The following ZNF638 variants were observed in gnomAD, a reference collection of about 807,000 sequenced individuals.
ZNF638 encodes the protein CTCL tumor antigen se33-1.
In ZNF638, 46 loss-of-function variants were observed where a neutral mutation model predicts 195.6. The observed-to-expected ratio is 0.24, with a 90% confidence interval of 0.19 to 0.30. ZNF638 has a LOEUF of 0.30. Ranked by LOEUF, ZNF638 falls within the 10% of genes least tolerant of loss-of-function variation. The probability of loss-of-function intolerance (pLI) is 1.00; values close to 1 mark genes in which losing one functional copy is unlikely to be tolerated. For synonymous variants in ZNF638, 845 were observed against 772.0 expected (o/e 1.09, Z -1.57); for missense variants, 2,440 against 2,325.3 (o/e 1.05, Z -1.01).
chr2:71,344,978 A>G (rs2078826393), intron 1 of ZNF638, among the ~76,000 whole-genome samples: 1 of 152,212 alleles, frequency 6.6e-6, no homozygotes, highest in Non-Finnish European at 1.5e-5. Flanking sequence ...ATATGAGTAT[A>G]CAGTAGTCTC....
intron 10 of ZNF638, 87 bp from the exon 11 acceptor site, chr2:71,396,054 T>G (rs574170491): frequency 1.1e-5 from 14 of 1,262,584 alleles, no homozygotes; most frequent in Non-Finnish European, 1.6e-5. Flanking sequence ...CAGGGTTCTT[T>G]CGAAATTATT....
chr2:71,386,596 C>T lies in ZNF638; in HGVS notation c.2377+6031C>T, dbSNP rs573965176. Among the ~76,000 whole-genome samples, 4 of 152,116 alleles carry T rather than the reference C, an allele frequency of 2.6e-5. 1 individual carries two copies. The highest frequency in any genetic ancestry group is 3.9e-4 in the East Asian group (2 of 5,188). ...ACCGTTATTTGCAAATATGATAGTA[C>T]GAAGGAAAACCTAAGAGAATCAATT... is the stretch of plus-strand genomic sequence containing the variant. On this transcript the variant is annotated intron_variant, in intron 10 of 27. Transcript: ENST00000264447.
intron 1 of ZNF638, among the ~76,000 whole-genome samples, chr2:71,335,810 A>G (rs547668596): frequency 6.6e-6 from 1 of 152,354 alleles, no homozygotes; most frequent in Admixed American, 6.5e-5. Context: ...AATGTCAGAT[A>G]TTCAGACAGA....
chr2:71,362,541 T>A (rs1393342723), intron 3 of ZNF638, among the ~76,000 whole-genome samples: 1 of 152,228 alleles, frequency 6.6e-6, no homozygotes, highest in Non-Finnish European at 1.5e-5. Flanking sequence ...TCCCCCTTTA[T>A]AATTCCTTTT....
intron 1 of ZNF638, among the ~76,000 whole-genome samples, chr2:71,346,984 A>G (rs189541884): frequency 5.3e-5 from 8 of 152,186 alleles, no homozygotes; most frequent in Admixed American, 4.6e-4. Flanking sequence ...AGATTGCGCC[A>G]TTGGACTCCA....
intron 2 of ZNF638, 36 bp downstream of exon 2, chr2:71,350,307 T>C: frequency 6.4e-7 from 1 of 1,565,622 alleles, no homozygotes; most frequent in South Asian, 1.2e-5. Context: ...TGTATAATGA[T>C]GCTCAGCGCC....
At chr2:71,385,925 C>T (rs1184399356) in intron 10 of ZNF638, among the ~76,000 whole-genome samples, 1 of 151,864 alleles carries the variant, frequency 6.6e-6, no homozygotes, top group Non-Finnish European at 1.5e-5. Flanking sequence ...TGTCTGCGAG[C>T]ACTTTGAATA....
chr2:71,396,383 G>A (rs926591637), intron 11 of ZNF638, among the ~76,000 whole-genome samples, 192 bp downstream of exon 11: 3 of 151,952 alleles, frequency 2.0e-5, no homozygotes, highest in Non-Finnish European at 4.4e-5. Flanking sequence ...AGTAATTATT[G>A]AAATAATTAA....
chr2:71,388,453 T>C (rs2079694139), intron 10 of ZNF638: 1 of 687,606 alleles, frequency 1.5e-6, no homozygotes, highest in African/African-American at 1.8e-5. Flanking sequence ...ACCCACAGAT[T>C]GTGTTGGCTC....
intron 21 of ZNF638, among the ~76,000 whole-genome samples, chr2:71,421,645 G>A (rs751407942): frequency 6.6e-6 from 1 of 152,116 alleles, no homozygotes; most frequent in Non-Finnish European, 1.5e-5. Flanking sequence ...CTAAGAAGCA[G>A]GTCAAAAGGG....
intron 23 of ZNF638, among the ~76,000 whole-genome samples, 174 bp downstream of exon 23, chr2:71,424,889 T>A (rs1225569290): frequency 6.6e-6 from 1 of 152,236 alleles, no homozygotes; most frequent in Non-Finnish European, 1.5e-5. Context: ...AATTTACTTT[T>A]TGACCTTGAG....
In ZNF638 at chr2:71,431,415, T is replaced by C; in HGVS notation, c.5739T>C (p.Ser1913=). The C allele has an allele frequency of 6.2e-7, 1 of 1,613,658 alleles. No individual in the cohort carries two copies. Among genetic ancestry groups the C allele is most frequent in the Non-Finnish European group, 8.5e-7 (1 of 1,179,704 alleles). The change falls in exon 26 of 28, where the codon TCT becomes TCC. Residue 1913 remains serine (S), a synonymous_variant. Coordinates refer to ENST00000264447, the MANE Select transcript of ZNF638 (RefSeq NM_014497.5). The part of the protein sequence containing the change: ...EDSSSGKSVA[S]DVPEELDFLV... ...CTTCTTCAGGCAAATCAGTGGCGTC[T>C]GATGTCCCTGAGGGTAAAGTTAAAA...
intron 23 of ZNF638, among the ~76,000 whole-genome samples, chr2:71,425,155 A>G (rs2080512867): frequency 1.3e-5 from 2 of 152,328 alleles, no homozygotes; most frequent in South Asian, 4.1e-4. Flanking sequence ...CTTTACTGGT[A>G]CCAAGTTCTG....
chr2:71,350,223 A>G lies in ZNF638; in HGVS notation c.1269A>G (p.Ile423Met). ...MNDYYAASPR[I>M]FPHLCSLCNV... is the part of the protein sequence containing the mutation. ...ATTATTATGCAGCATCTCCAAGAAT[A>G]TTTCCACATTTGTGTTCTCTGTGTA... is the stretch of plus-strand genomic sequence containing the variant. Residue 423 changes from isoleucine to methionine, a missense_variant, in exon 2 of 28, where the codon ATA (isoleucine) becomes ATG (methionine). Physicochemically the swap from Ile to Met is conservative, Grantham distance 10 (BLOSUM62 1). Transcript: ENST00000264447. The G allele has an allele frequency of 6.2e-7, 1 of 1,605,048 alleles. No homozygotes were observed. The highest frequency in any genetic ancestry group is 8.5e-7 in the Non-Finnish European group (1 of 1,179,946).
chr2:71,335,525 T>A (rs1472637805), intron 1 of ZNF638, among the ~76,000 whole-genome samples: 1 of 152,116 alleles, frequency 6.6e-6, no homozygotes, highest in Non-Finnish European at 1.5e-5. Flanking sequence ...CAACTTTTGT[T>A]TTAAATATTT....
intron 2 of ZNF638, among the ~76,000 whole-genome samples, chr2:71,351,007 T>A (rs1331660024): frequency 1.3e-5 from 2 of 152,242 alleles, no homozygotes; most frequent in Admixed American, 1.3e-4. Flanking sequence ...TGTTCAGTCG[T>A]AATCATTGGT....
intron 20 of ZNF638, among the ~76,000 whole-genome samples, chr2:71,412,015 GT>G (rs2080238870): frequency 8.6e-6 from 1 of 116,706 alleles, no homozygotes; most frequent in African/African-American, 3.5e-5. Flanking sequence ...TGGGTCAAAT[GT>G]TATTTCTAGT....
intron 1 of ZNF638, among the ~76,000 whole-genome samples, chr2:71,344,200 C>T (rs2078813116): frequency 6.6e-6 from 1 of 152,206 alleles, no homozygotes; most frequent in Non-Finnish European, 1.5e-5. Flanking sequence ...TCTCTCCAAC[C>T]CAGAATAATT....
chr2:71,432,949 C>T (rs748046739), intron 26 of ZNF638, among the ~76,000 whole-genome samples: 1 of 152,142 alleles, frequency 6.6e-6, no homozygotes, highest in Non-Finnish European at 1.5e-5. Context: ...TAGCCAGGCG[C>T]GGTGGCGCAC....
Sources: allele counts gnomAD v4.1 joint callset (sites outside exome capture counted in the v4.1 genomes callset), GRCh38; gene constraint gnomAD v4.1.1; transcripts MANE v1.5; gene names NCBI Gene and HGNC (gene_info 2026-07-23, HGNC 2026-07-21).